The following USP34 variants were observed in gnomAD, a reference collection of about 807,000 sequenced individuals.
USP34 encodes the protein ubiquitin specific peptidase 34, also known as ubiquitin carboxyl-terminal hydrolase 34.
A neutral mutation model predicts 460.3 loss-of-function variants in USP34; 70 were observed. The ratio of observed to expected loss-of-function variants is 0.15; its 90% confidence interval spans 0.13 to 0.19. The LOEUF (loss-of-function observed/expected upper bound fraction) is 0.19. USP34 is among the 10% of genes least tolerant of loss of function. The pLI is 1.00. For missense variants in USP34, 3,985 were observed against 4,236.2 expected (o/e 0.94, Z 1.65); for synonymous variants, 1,647 against 1,405.3 (o/e 1.17, Z -3.85).
chr2:61,300,054 G>A (rs1177303649), intron 29 of USP34, among the ~76,000 whole-genome samples: 14 of 152,086 alleles, frequency 9.2e-5, no homozygotes, highest in African/African-American at 2.2e-4. Context: ...TATTTCCACT[G>A]CTGCCATCCT....
chr2:61,303,278 C>T (rs1375902315), intron 27 of USP34, among the ~76,000 whole-genome samples: 1 of 152,084 alleles, frequency 6.6e-6, no homozygotes, highest in Non-Finnish European at 1.5e-5. Flanking sequence ...GTTGGCCAGG[C>T]TGGTCTTGAA....
At chr2:61,342,460 G>A (rs182862071) in intron 16 of USP34, among the ~76,000 whole-genome samples, 6 of 149,432 alleles carry the variant, frequency 4.0e-5, no homozygotes, top group East Asian at 2.0e-4. Flanking sequence ...ACCACCATAC[G>A]CAGCTAATTT....
chr2:61,301,465 G>A lies in USP34; in HGVS notation c.3818-11C>T. The A allele has an allele frequency of 6.2e-7, 1 of 1,602,396 alleles. No individual in the cohort carries two copies. The highest frequency in any genetic ancestry group is 8.5e-7 in the Non-Finnish European group (1 of 1,174,274). On this transcript the variant is annotated splice_polypyrimidine_tract_variant and intron_variant, in intron 27 of 79. Transcript: ENST00000398571. ...GTCCCATGAGGCCTCCTTAAAAACA[G>A]CAAAACATGGAAATGAATTTGTTTT...
intron 3 of USP34, among the ~76,000 whole-genome samples, 191 bp downstream of exon 3, chr2:61,405,517 T>C (rs1032817191): frequency 6.6e-6 from 1 of 152,190 alleles, no homozygotes; most frequent in Non-Finnish European, 1.5e-5. Flanking sequence ...CTTTCCTTGA[T>C]AGGATGAACT....
Position 61,339,342 on chromosome 2 carries a change from C to T in USP34, c.2744+9G>A, listed in dbSNP as rs777009356. ...CTACTGCATTAAAAATTTTTAAATT[C>T]CTCTTTACCTGTTGTTTCCCAAGTT... On this transcript the variant is annotated intron_variant, in intron 18 of 79. Transcript: ENST00000398571. 44 of 1,601,916 alleles carry T rather than the reference C, an allele frequency of 2.7e-5. No homozygotes were observed. Among genetic ancestry groups the T allele is most frequent in the Middle Eastern group, 1.7e-4 (1 of 5,992 alleles).
intron 18 of USP34, among the ~76,000 whole-genome samples, chr2:61,337,075 G>A (rs188692235): frequency 1.9e-3 from 292 of 152,222 alleles, no homozygotes; most frequent in Non-Finnish European, 3.5e-3. Flanking sequence ...TAAGCGCACA[G>A]CTCAAAATAC....
chr2:61,247,203 A>G (rs1171368351), intron 49 of USP34, among the ~76,000 whole-genome samples: 1 of 152,246 alleles, frequency 6.6e-6, no homozygotes, highest in Non-Finnish European at 1.5e-5. Context: ...ATGATTTATG[A>G]TCTGTATTCC....
intron 24 of USP34, 32 bp from the exon 25 acceptor site, chr2:61,314,776 G>C: frequency 1.3e-6 from 2 of 1,577,646 alleles, no homozygotes; most frequent in Non-Finnish European, 1.7e-6. Flanking sequence ...ACATATATTA[G>C]CCTTATATTC....
In USP34 at chr2:61,228,632, G is replaced by A. The variant is rs754184715; in HGVS notation, c.7443+13C>T. 7.3e-5 allele frequency: 117 copies of A among 1,606,748 alleles called. No homozygotes were observed. The highest frequency in any genetic ancestry group is 9.4e-5 in the Non-Finnish European group (111 of 1,176,048). ...AGCCTCTAATACCTAATGTACGATA[G>A]AACTGTACTTACATTTTCAGGTCCT... On this transcript the variant is annotated intron_variant, in intron 61 of 79. Transcript: ENST00000398571.
At chr2:61,459,708 CG>C (rs781163526) in intron 1 of USP34, among the ~76,000 whole-genome samples, 273 of 148,328 alleles carry the variant, frequency 1.8e-3, no homozygotes, top group Non-Finnish European at 3.0e-3. Context: ...ACCCGGGAGG[CG>C]AAGGCTGCAG....
chr2:61,366,416 A>G (rs913314358), intron 10 of USP34, among the ~76,000 whole-genome samples: 33 of 152,308 alleles, frequency 2.2e-4, no homozygotes, highest in Non-Finnish European at 1.3e-4. Context: ...AGTTTTCTAT[A>G]AAGTATGATT....
At chr2:61,278,602 G>C (rs1689442961) in intron 39 of USP34, among the ~76,000 whole-genome samples, 159 bp from the exon 40 acceptor site, 1 of 152,032 alleles carries the variant, frequency 6.6e-6, no homozygotes, top group South Asian at 2.1e-4. Context: ...TATACATTAT[G>C]TCAATTAACC....
At chr2:61,271,924 A>G (rs1689227840) in intron 41 of USP34, among the ~76,000 whole-genome samples, 1 of 152,256 alleles carries the variant, frequency 6.6e-6, no homozygotes, top group African/African-American at 2.4e-5. Context: ...GAGTTAAGGC[A>G]TATTTTCCTT....
chr2:61,451,780 G>T lies in USP34; in HGVS notation c.43+18870C>A, dbSNP rs573197485. Among the ~76,000 whole-genome samples, 5 of 151,968 alleles carry T rather than the reference G, an allele frequency of 3.3e-5. 1 individual carries two copies. The highest frequency in any genetic ancestry group is 4.4e-5 in the Non-Finnish European group (3 of 67,998). Reference sequence around the variant, plus strand: ...AATTTGCTAAAATCACTAAGTCATTGTTCAGAAAAATTAATGTTAGATCCT... The same window carrying T: ...AATTTGCTAAAATCACTAAGTCATTTTTCAGAAAAATTAATGTTAGATCCT... On this transcript the variant is annotated intron_variant, in intron 1 of 79. Transcript: ENST00000398571.
chr2:61,275,492 C>G (rs141710454), intron 41 of USP34, among the ~76,000 whole-genome samples: 2 of 151,780 alleles, frequency 1.3e-5, no homozygotes, highest in Admixed American at 6.6e-5. Context: ...GGTGTGATGG[C>G]GTATGCCTAT....
rs148495328 is a variant in USP34, at chr2:61,357,669, G to A, written c.1252-6976C>T. Among the ~76,000 whole-genome samples, 441 of 152,300 alleles carry A rather than the reference G, an allele frequency of 2.9e-3. 2 individuals carry two copies. The highest frequency in any genetic ancestry group is 6.8e-3 in the Middle Eastern group (2 of 294). On this transcript the variant is annotated intron_variant, in intron 10 of 79. Coordinates refer to ENST00000398571, the MANE Select transcript of USP34 (RefSeq NM_014709.4). ...TAATACTCTCACTTTGAGAGGCCAAGGGGGAAAGACTGCTTTACATCAGAA... is the reference window on the plus strand; with the variant it reads ...TAATACTCTCACTTTGAGAGGCCAAAGGGGAAAGACTGCTTTACATCAGAA...
chr2:61,216,675 T>C (rs1224792573), intron 67 of USP34, among the ~76,000 whole-genome samples: 1 of 152,064 alleles, frequency 6.6e-6, no homozygotes, highest in African/African-American at 2.4e-5. Flanking sequence ...TCCCAGCACT[T>C]TGAGAGGCCA....
intron 10 of USP34, among the ~76,000 whole-genome samples, chr2:61,359,883 C>G (rs1277665702): frequency 1.4e-5 from 2 of 144,256 alleles, no homozygotes; most frequent in Non-Finnish European, 3.0e-5. Flanking sequence ...CTCCCAGGTT[C>G]AAGCAATTCT....
At chr2:61,294,237 T>G (rs1689952072) in intron 32 of USP34, among the ~76,000 whole-genome samples, 1 of 151,390 alleles carries the variant, frequency 6.6e-6, no homozygotes, top group Non-Finnish European at 1.5e-5. Flanking sequence ...TACCAGCTAC[T>G]CCAGAGGCTG....
Sources: gnomAD v4.1 joint callset for allele counts (sites outside exome capture counted in the v4.1 genomes callset) on GRCh38, gnomAD v4.1.1 for gene constraint, MANE v1.5 for transcripts, NCBI Gene and HGNC (gene_info 2026-07-23, HGNC 2026-07-21) for gene names.